FKTN: variants seen among roughly 807,000 people sequenced by gnomAD.
The protein encoded by FKTN is fukutin, also known as ribitol-5-phosphate transferase FKTN.
FKTN carries 47 observed loss-of-function variants against 58.6 expected under a neutral mutation model. That is an observed-to-expected ratio of 0.80 (90% CI 0.63 to 1.02). The LOEUF is 1.02. Ranked by LOEUF, FKTN falls within the 50% of genes least tolerant of loss-of-function variation. The probability of loss-of-function intolerance (pLI) is 0.00; values close to 1 mark genes in which losing one functional copy is unlikely to be tolerated. For missense variants in FKTN, 516 were observed against 537.3 expected (o/e 0.96, Z 0.39); for synonymous variants, 178 against 191.9 (o/e 0.93, Z 0.60).
intron 7 of FKTN, among the ~76,000 whole-genome samples, chr9:105,614,306 G>C (rs1830434840): frequency 6.6e-6 from 1 of 152,126 alleles, no homozygotes; most frequent in Non-Finnish European, 1.5e-5. Context: ...CTTCACAGCA[G>C]TCCTGTGAAG....
intron 1 of FKTN, among the ~76,000 whole-genome samples, chr9:105,570,135 T>G (rs1840483878): frequency 6.6e-6 from 1 of 152,044 alleles, no homozygotes; most frequent in Non-Finnish European, 1.5e-5. Context: ...TAAACTCTTT[T>G]AAAAATCTTT....
chr9:105,617,172 A>T (rs778528778), intron 8 of FKTN, among the ~76,000 whole-genome samples: 1 of 152,234 alleles, frequency 6.6e-6, no homozygotes, highest in Non-Finnish European at 1.5e-5. Context: ...GCCTATAAGG[A>T]TAATCGCAGT....
intron 9 of FKTN, among the ~76,000 whole-genome samples, chr9:105,619,701 A>G (rs1831509200): frequency 6.6e-6 from 1 of 152,134 alleles, no homozygotes; most frequent in African/African-American, 2.4e-5. Context: ...ACTCTGAGTT[A>G]TCATCAATTG....
chr9:105,581,233 G>A (rs933090277), intron 3 of FKTN, among the ~76,000 whole-genome samples: 1 of 149,548 alleles, frequency 6.7e-6, no homozygotes, highest in Non-Finnish European at 1.5e-5. Context: ...TTTGTAGGAG[G>A]AGAGGCGCTC....
chr9:105,591,754 G>A lies in FKTN; in HGVS notation c.106-4844G>A, dbSNP rs907463003. Among the ~76,000 whole-genome samples the A allele has an allele frequency of 2.0e-5, 3 of 152,212 alleles. No homozygotes were observed. In the South Asian group the frequency reaches 6.2e-4, roughly 32 times the overall value. On this transcript the variant is annotated intron_variant, in intron 3 of 10. Transcript: ENST00000357998. ...GGCTCTCTGTGGGAGCTTCAACCCT[G>A]CATTTCCCTTCCACACTATTCTAGT...
intron 7 of FKTN, among the ~76,000 whole-genome samples, chr9:105,609,975 A>G (rs1829609332): frequency 6.6e-6 from 1 of 152,192 alleles, no homozygotes; most frequent in Non-Finnish European, 1.5e-5. Flanking sequence ...TGTTCATATC[A>G]ATATAAATAA....
At chr9:105,629,294 C>T (rs1458898836) in intron 10 of FKTN, among the ~76,000 whole-genome samples, 1 of 152,202 alleles carries the variant, frequency 6.6e-6, no homozygotes, top group African/African-American at 2.4e-5. Flanking sequence ...TCTGAGATCA[C>T]AGGTTGAAAC....
intron 3 of FKTN, among the ~76,000 whole-genome samples, chr9:105,586,328 C>T (rs528967174): frequency 2.5e-4 from 38 of 152,298 alleles, no homozygotes; most frequent in Middle Eastern, 6.8e-3. Context: ...TATACAAACT[C>T]CTTTAGTGTA....
At chr9:105,573,110 C>G (rs556729798) in intron 1 of FKTN, among the ~76,000 whole-genome samples, 1 of 152,146 alleles carries the variant, frequency 6.6e-6, no homozygotes, top group South Asian at 2.1e-4. Context: ...TGGCAGGCAC[C>G]TGTAATCCCA....
intron 1 of FKTN, among the ~76,000 whole-genome samples, chr9:105,561,017 C>T (rs916047857): frequency 3.3e-5 from 5 of 151,730 alleles, no homozygotes; most frequent in South Asian, 2.1e-4. Flanking sequence ...AACCTGGGAG[C>T]GGAGGTTGCA....
At chr9:105,570,951 T>C (rs1327972540) in intron 1 of FKTN, among the ~76,000 whole-genome samples, 1 of 152,170 alleles carries the variant, frequency 6.6e-6, no homozygotes, top group Non-Finnish European at 1.5e-5. Context: ...CCAGGAATAC[T>C]CATGCAAAAA....
intron 6 of FKTN, 29 bp downstream of exon 6, chr9:105,604,521 G>T: frequency 5.1e-6 from 8 of 1,582,284 alleles, no homozygotes; most frequent in Non-Finnish European, 6.1e-6. Flanking sequence ...CGTGAAATGT[G>T]AAATGAGTGT....
At chr9:105,562,312 G>A (rs549289050) in intron 1 of FKTN, among the ~76,000 whole-genome samples, 157 of 152,238 alleles carry the variant, frequency 1.0e-3, no homozygotes, top group Non-Finnish European at 1.8e-3. Context: ...ACTAGGGAAT[G>A]AGGGCTGCTG....
intron 10 of FKTN, among the ~76,000 whole-genome samples, chr9:105,634,350 T>G (rs1396524177): frequency 1.3e-5 from 2 of 152,094 alleles, no homozygotes; most frequent in Non-Finnish European, 2.9e-5. Flanking sequence ...GCCGGGCTGG[T>G]CTCGAACTTC....
chr9:105,564,278 A>G (rs1014864791), intron 1 of FKTN, among the ~76,000 whole-genome samples: 10 of 152,372 alleles, frequency 6.6e-5, no homozygotes, highest in African/African-American at 1.9e-4. Context: ...CTCACCAGCA[A>G]TGGAACAAAG....
At position 105,615,318 on chromosome 9, in the gene FKTN, G is replaced by A. The variant is rs767503045; in HGVS notation, c.821G>A (p.Arg274Gln). Residue 274 changes from arginine (R) to glutamine (Q), a missense_variant, in exon 8 of 11, where the codon CGG becomes CAG. Coordinates refer to ENST00000357998, the MANE Select transcript of FKTN (RefSeq NM_001079802.2). ...DDNTVEAVAF[R>Q]KSAKELLQLA... The stretch of plus-strand genomic sequence containing the variant: ...AACACTGTGGAAGCTGTGGCCTTTC[G>A]GAAGAGTGCAAAGGAATTACTGCAA... 15 of 1,613,774 alleles carry A rather than the reference G, an allele frequency of 9.3e-6. No homozygotes were observed. Among genetic ancestry groups the A allele is most frequent in the South Asian group, 5.5e-5 (5 of 91,084 alleles).
At position 105,604,455 on chromosome 9, in the gene FKTN, A is replaced by T; in HGVS notation, c.610A>T (p.Lys204Ter). The change falls in exon 6 of 11, where the codon AAG (lysine) becomes TAG (stop). Residue 204 changes from lysine to a stop codon, truncating the protein, a stop_gained. Transcript: ENST00000357998. LOFTEE classifies it high-confidence loss of function. The stretch of plus-strand genomic sequence containing the variant: ...TGACAGGAAATTTGTTCCCTTCCGA[A>T]AGTTACAGTTTGGTCGTTATCCAGG... ...HIDRKFVPFRKLQFGRYPGAF... is the reference protein window; with the variant it reads ...HIDRKFVPFR 1 of 1,614,164 alleles carries T rather than the reference A, an allele frequency of 6.2e-7. No homozygotes were observed. Among genetic ancestry groups the T allele is most frequent in the Non-Finnish European group, 8.5e-7 (1 of 1,179,994 alleles).
chr9:105,596,437 A>G (rs1826815691), intron 3 of FKTN, among the ~76,000 whole-genome samples, 161 bp from the exon 4 acceptor site: 1 of 152,190 alleles, frequency 6.6e-6, no homozygotes, highest in South Asian at 2.1e-4. Flanking sequence ...ATATCATAAA[A>G]ATGTAGAATT....
At chr9:105,589,087 G>A (rs1483322392) in intron 3 of FKTN, among the ~76,000 whole-genome samples, 1 of 152,188 alleles carries the variant, frequency 6.6e-6, no homozygotes, top group Non-Finnish European at 1.5e-5. Context: ...TTAAGATAAT[G>A]AAATTTAAAC....
Sources: allele counts gnomAD v4.1 joint callset (sites outside exome capture counted in the v4.1 genomes callset), GRCh38; gene constraint gnomAD v4.1.1; transcripts MANE v1.5; gene names NCBI Gene and HGNC (gene_info 2026-07-23, HGNC 2026-07-21).